The following ACSM2B variants were observed in gnomAD, a reference collection of about 807,000 sequenced individuals.
ACSM2B encodes the protein acyl-coenzyme A synthetase ACSM2B, mitochondrial.
A neutral mutation model predicts 78.6 loss-of-function variants in ACSM2B; 58 were observed. The observed-to-expected ratio is 0.74, with a 90% CI of 0.60 to 0.92. ACSM2B has a LOEUF of 0.92. Ranked by LOEUF, ACSM2B falls within the 40% of genes least tolerant of loss-of-function variation. ACSM2B has a pLI of 0.00. For synonymous variants in ACSM2B, 257 were observed against 256.8 expected, an observed-to-expected ratio of 1.00 and a Z score of -0.01; for missense variants, 688 against 711.2, an observed-to-expected ratio of 0.97 and a Z score of 0.37.
At chr16:20,549,637 C>A (rs1455107434) in intron 6 of ACSM2B, 2 of 321,432 alleles carry the variant, frequency 6.2e-6, no homozygotes, top group East Asian at 1.0e-4. Context: ...TTATTCTGAG[C>A]CAAACATGAG....
rs148088591 is a variant in ACSM2B at position 20,545,699 on chromosome 16, T to C, written c.1180-441A>G. Among the ~76,000 whole-genome samples the C allele has an allele frequency of 5.2e-3, 791 of 152,308 alleles. 3 individuals carry two copies. Among genetic ancestry groups the C allele is most frequent in the African/African-American group, 0.018 (733 of 41,568 alleles). ...GACAGCTTATTTCACAGGATTTTTA[T>C]AGGAATGAAATAAGATACTAAGAAA... On this transcript the variant is annotated intron_variant, in intron 9 of 13. Transcript: ENST00000329697.
At chr16:20,566,637 T>G in intron 1 of ACSM2B, among the ~76,000 whole-genome samples, 2 of 32,208 alleles carry the variant, frequency 6.2e-5, no homozygotes, top group African/African-American at 1.9e-4. Context: ...ATATATAGTA[T>G]ATATATACTA....
intron 1 of ACSM2B, among the ~76,000 whole-genome samples, chr16:20,570,302 A>T (rs760327557): frequency 3.3e-5 from 5 of 151,750 alleles, no homozygotes; most frequent in Non-Finnish European, 7.4e-5. Flanking sequence ...TGCTTTTTCT[A>T]CATCTATTGA....
intron 12 of ACSM2B, 57 bp downstream of exon 12, chr16:20,542,857 A>G (rs2015034312): frequency 1.4e-5 from 23 of 1,605,184 alleles, no homozygotes; most frequent in Non-Finnish European, 2.0e-5. Context: ...AAACCATCAT[A>G]CTACACTGCC....
chr16:20,566,623 TA>T (rs1309462048), intron 1 of ACSM2B, among the ~76,000 whole-genome samples: 2 of 64,770 alleles, frequency 3.1e-5, no homozygotes, highest in African/African-American at 1.7e-4. Flanking sequence ...ATAGTATATA[TA>T]CTATATATAG....
intron 1 of ACSM2B, among the ~76,000 whole-genome samples, chr16:20,573,120 G>C (rs546423202): frequency 6.6e-6 from 1 of 151,396 alleles, no homozygotes; most frequent in African/African-American, 2.4e-5. Flanking sequence ...TGTGATTTTT[G>C]GGGGGAGGTG....
At chr16:20,544,889 T>C in intron 10 of ACSM2B, 2 of 1,143,410 alleles carry the variant, frequency 1.7e-6, no homozygotes, top group African/African-American at 1.6e-5. Context: ...CAATAATATT[T>C]TGGGCATGAA....
At position 20,564,691 on chromosome 16, in the gene ACSM2B, T is replaced by A; in HGVS notation, c.155A>T (p.Asp52Val). ...TACCTTCTCCATGTCAGCCCAGTGA[T>A]CCAACACATCACTAGCAAAGTTAAA... ...AKFNFASDVL[D>V]HWADMEKAGK... is the part of the protein sequence containing the mutation. Residue 52 changes from aspartate (D) to valine (V), a missense_variant, in exon 2 of 14, where the codon GAT becomes GTT. Asp to Val is a radical substitution (Grantham distance 152). Coordinates refer to ENST00000329697, the MANE Select transcript of ACSM2B (RefSeq NM_001105069.2). 4 of 1,613,712 alleles carry A rather than the reference T, an allele frequency of 2.5e-6. No homozygotes were observed. The highest frequency in any genetic ancestry group is 3.4e-6 in the Non-Finnish European group (4 of 1,179,772).
rs555596462 is a variant in ACSM2B, at chr16:20,569,131, C to G, written c.-8-4278G>C. 5.9e-5 allele frequency among the ~76,000 whole-genome samples: 9 copies of G among 152,066 alleles called. No individual in the cohort carries two copies. In the South Asian group the frequency reaches 1.9e-3, roughly 32 times the overall value. ...GCTTTTGGGTTCTTGGTCATAAAAT[C>G]TTTGCCTAAACCAATGTCTACAAGG... On this transcript the variant is annotated intron_variant, in intron 1 of 13. Coordinates refer to ENST00000329697, the MANE Select transcript of ACSM2B (RefSeq NM_001105069.2).
At chr16:20,538,507 T>C (rs546333187) in intron 13 of ACSM2B, among the ~76,000 whole-genome samples, 26 of 152,278 alleles carry the variant, frequency 1.7e-4, no homozygotes, top group South Asian at 4.1e-4. Context: ...TATCCAGATT[T>C]AATGCTAAGA....
chr16:20,547,943 C>G (rs1182673953), intron 8 of ACSM2B, 119 bp downstream of exon 8: 1 of 1,546,158 alleles, frequency 6.5e-7, no homozygotes, highest in Admixed American at 2.0e-5. Flanking sequence ...TTCACAGAGG[C>G]TCAATAAATA....
At chr16:20,575,049 A>G (rs1050647737) in intron 1 of ACSM2B, among the ~76,000 whole-genome samples, 10 of 151,194 alleles carry the variant, frequency 6.6e-5, no homozygotes, top group Admixed American at 6.6e-4. Flanking sequence ...TATTTTGTAT[A>G]ACTCTTTAAA....
At chr16:20,564,361 C>A (rs1276116216) in intron 2 of ACSM2B, among the ~76,000 whole-genome samples, 1 of 152,022 alleles carries the variant, frequency 6.6e-6, no homozygotes, top group Admixed American at 6.6e-5. Context: ...CGACCCCAGA[C>A]CAAAAGTCCT....
chr16:20,545,484 C>T (rs2152133653), intron 9 of ACSM2B, among the ~76,000 whole-genome samples: 2 of 152,258 alleles, frequency 1.3e-5, no homozygotes, highest in South Asian at 4.1e-4. Context: ...CCAGATGAGC[C>T]TGGGGAGATG....
chr16:20,553,943 T>G, intron 4 of ACSM2B, 23 bp from the exon 5 acceptor site: 1 of 1,612,860 alleles, frequency 6.2e-7, no homozygotes, highest in Non-Finnish European at 8.5e-7. Context: ...CAGATTGTCA[T>G]TTTCTCAGAT....
In ACSM2B at chr16:20,547,872, GA is replaced by G. The variant is rs2015187357; in HGVS notation, c.1098+189del. 21 of 1,359,886 alleles carry G rather than the reference GA, an allele frequency of 1.5e-5. No individual in the cohort carries two copies. The South Asian group carries it at 3.2e-4, about 21-fold the overall frequency. 84.2% of individuals were successfully genotyped at this position (1,359,886 alleles called of 1,614,324 possible). ...AATCTCACTGGAATGTAATCTCCCAGAAAACAGGAACTTTGCCTTTTTTGTT... is the reference window on the plus strand; with the variant it reads ...AATCTCACTGGAATGTAATCTCCCAGAAACAGGAACTTTGCCTTTTTTGTT... On this transcript the variant is annotated intron_variant, in intron 8 of 13. Transcript: ENST00000329697.
chr16:20,551,493 A>G (rs567004255), intron 6 of ACSM2B, among the ~76,000 whole-genome samples: 72 of 151,482 alleles, frequency 4.8e-4, no homozygotes, highest in Admixed American at 7.2e-4. Flanking sequence ...GGAGCCATCA[A>G]CAAGCCAGGA....
chr16:20,557,331 C>A (rs12933770), intron 3 of ACSM2B, among the ~76,000 whole-genome samples: 3 of 152,072 alleles, frequency 2.0e-5, no homozygotes, highest in Non-Finnish European at 2.9e-5. Context: ...CAGTGAAAGA[C>A]AGCACCCACT....
At chr16:20,567,373 A>T (rs866041284) in intron 1 of ACSM2B, among the ~76,000 whole-genome samples, 8 of 110,348 alleles carry the variant, frequency 7.2e-5, no homozygotes, top group African/African-American at 2.4e-4. Flanking sequence ...ATATTATATA[A>T]TATATAGTAT....
Sources: gnomAD v4.1 joint callset for allele counts (sites outside exome capture counted in the v4.1 genomes callset) on GRCh38, gnomAD v4.1.1 for gene constraint, MANE v1.5 for transcripts, NCBI Gene and HGNC (gene_info 2026-07-23, HGNC 2026-07-21) for gene names.